Variants in PLCB1 observed in about 807,000 individuals in gnomAD.
PLCB1 encodes the protein phospholipase C beta 1.
Under a neutral mutation model 161.8 loss-of-function variants are expected in PLCB1, and 46 were observed. The ratio of observed to expected loss-of-function variants is 0.28; its 90% CI spans 0.22 to 0.36. PLCB1 has a LOEUF of 0.36. Ranked by LOEUF, PLCB1 falls within the 10% of genes least tolerant of loss-of-function variation. The pLI is 1.00. For synonymous variants in PLCB1, 517 were observed against 503.7 expected (o/e 1.03, Z -0.35); for missense variants, 1,016 against 1,472.5 (o/e 0.69, Z 5.07).
intron 3 of PLCB1, among the ~76,000 whole-genome samples, chr20:8,602,354 T>A (rs775698458): frequency 6.6e-6 from 1 of 152,170 alleles, no homozygotes; most frequent in Non-Finnish European, 1.5e-5. Flanking sequence ...AGATATTAAT[T>A]AAAATAGGCT....
chr20:8,378,382 T>G (rs2122375051), intron 3 of PLCB1, among the ~76,000 whole-genome samples: 1 of 152,358 alleles, frequency 6.6e-6, no homozygotes, highest in South Asian at 2.1e-4. Context: ...ATACACATTT[T>G]TTGGTTTCCC....
At chr20:8,234,877 A>G (rs1336204600) in intron 2 of PLCB1, among the ~76,000 whole-genome samples, 1 of 152,130 alleles carries the variant, frequency 6.6e-6, no homozygotes, top group Non-Finnish European at 1.5e-5. Flanking sequence ...CCGGAATATA[A>G]TGCTTACTGG....
intron 2 of PLCB1, among the ~76,000 whole-genome samples, chr20:8,236,822 A>G (rs1980352618): frequency 6.6e-6 from 1 of 152,070 alleles, no homozygotes; most frequent in African/African-American, 2.4e-5. Flanking sequence ...TATGAATGGG[A>G]AAGTAAAGTC....
rs150442900 is a variant in PLCB1 at position 8,388,754 on chromosome 20, T to C, written c.246+17304T>C. Among the ~76,000 whole-genome samples, 1,226 of 152,308 alleles carry C rather than the reference T, an allele frequency of 8.0e-3. 11 individuals are homozygous for C. Among genetic ancestry groups the C allele is most frequent in the African/African-American group, 0.027 (1,135 of 41,560 alleles). ...GGCTAACAACTTATTGAATGATCTG[T>C]GTGTGTGCGTGCATGTGTGTGTGTG... On this transcript the variant is annotated intron_variant, in intron 3 of 31. Coordinates refer to ENST00000338037, the MANE Select transcript of PLCB1 (RefSeq NM_015192.4).
At chr20:8,410,414 C>T (rs550759726) in intron 3 of PLCB1, among the ~76,000 whole-genome samples, 5 of 152,102 alleles carry the variant, frequency 3.3e-5, no homozygotes, top group Admixed American at 6.5e-5. Context: ...CACATCCTCA[C>T]CAAAAGTTGA....
At chr20:8,708,226 A>C (rs1021631663) in intron 11 of PLCB1, among the ~76,000 whole-genome samples, 4 of 152,220 alleles carry the variant, frequency 2.6e-5, no homozygotes, top group African/African-American at 9.6e-5. Context: ...ATACAAGTTG[A>C]GTATATACTG....
At chr20:8,194,052 T>C (rs917803654) in intron 2 of PLCB1, among the ~76,000 whole-genome samples, 1 of 152,010 alleles carries the variant, frequency 6.6e-6, no homozygotes, top group African/African-American at 2.4e-5. Flanking sequence ...GGTGATACTA[T>C]GGTGCCAACA....
Position 8,780,002 on chromosome 20 carries a change from A to G in PLCB1, c.3111+5283A>G, listed in dbSNP as rs1483799018. ...CATTCACGTGCTTGTGCTCCATGAT[A>G]TCTCTCAATGAACAGCTTGGGGGTC... is the stretch of plus-strand genomic sequence containing the variant. On this transcript the variant is annotated intron_variant, in intron 27 of 31. Transcript: ENST00000338037. Among the ~76,000 whole-genome samples, 3 of 152,278 alleles carry G rather than the reference A, an allele frequency of 2.0e-5. No homozygotes were observed. In the East Asian group the frequency reaches 5.8e-4, roughly 29 times the overall value.
chr20:8,608,295 C>G (rs537121412), intron 3 of PLCB1, among the ~76,000 whole-genome samples: 7 of 152,266 alleles, frequency 4.6e-5, no homozygotes, highest in African/African-American at 1.7e-4. Context: ...CCTAATATCA[C>G]AGGCAAATTT....
intron 9 of PLCB1, among the ~76,000 whole-genome samples, chr20:8,677,560 C>T (rs996255454): frequency 6.6e-6 from 1 of 151,902 alleles, no homozygotes; most frequent in African/African-American, 2.4e-5. Context: ...AAACCTATGC[C>T]AAAGCACATC....
chr20:8,766,585 C>G (rs949633396), intron 26 of PLCB1, among the ~76,000 whole-genome samples: 1 of 152,192 alleles, frequency 6.6e-6, no homozygotes, highest in Non-Finnish European at 1.5e-5. Flanking sequence ...CTGCTAGGTT[C>G]TTTAGAGCTA....
intron 31 of PLCB1, among the ~76,000 whole-genome samples, chr20:8,830,883 G>A (rs73895339): frequency 0.041 from 6,219 of 152,104 alleles, 203 homozygotes; most frequent in African/African-American, 0.086. Flanking sequence ...CTTCACAGGT[G>A]GAGGCCTCCA....
intron 3 of PLCB1, among the ~76,000 whole-genome samples, chr20:8,433,168 G>A (rs1197378831): frequency 6.6e-6 from 1 of 152,218 alleles, no homozygotes; most frequent in African/African-American, 2.4e-5. Flanking sequence ...TCTTAGCCAT[G>A]TTAGTTGATT....
At chr20:8,572,095 CA>C in intron 3 of PLCB1, among the ~76,000 whole-genome samples, 1 of 152,092 alleles carries the variant, frequency 6.6e-6, no homozygotes, top group Admixed American at 6.5e-5. Flanking sequence ...ATGCTATTTT[CA>C]GCAAATAAAA....
chr20:8,667,374 C>G (rs184802676), intron 9 of PLCB1, among the ~76,000 whole-genome samples: 84 of 152,298 alleles, frequency 5.5e-4, no homozygotes, highest in Non-Finnish European at 7.8e-4. Flanking sequence ...TGTTCATAGA[C>G]TTCTCTGAAA....
chr20:8,360,730 A>G lies in PLCB1; in HGVS notation c.178-10652A>G, dbSNP rs114133443. On this transcript the variant is annotated intron_variant, in intron 2 of 31. Coordinates refer to ENST00000338037, the MANE Select transcript of PLCB1 (RefSeq NM_015192.4). Reference sequence around the variant, plus strand: ...CTGTCTTGCCAGAAAGCCAAAAGCAATGTTAAGAAGCAAATCTTCTTTGAA... The same window carrying G: ...CTGTCTTGCCAGAAAGCCAAAAGCAGTGTTAAGAAGCAAATCTTCTTTGAA... Among the ~76,000 whole-genome samples, 447 of 152,322 alleles carry G rather than the reference A, an allele frequency of 2.9e-3. 3 individuals carry two copies. Among genetic ancestry groups the G allele is most frequent in the African/African-American group, 0.01 (433 of 41,582 alleles).
chr20:8,196,274 G>A (rs554268557), intron 2 of PLCB1, among the ~76,000 whole-genome samples: 1 of 152,182 alleles, frequency 6.6e-6, no homozygotes, highest in South Asian at 2.1e-4. Flanking sequence ...GACAGAAAAT[G>A]ATATTTTGAA....
intron 3 of PLCB1, among the ~76,000 whole-genome samples, chr20:8,376,527 C>T (rs6118183): frequency 0.027 from 4,123 of 152,220 alleles, 197 homozygotes; most frequent in African/African-American, 0.093. Flanking sequence ...GGTACTGTTA[C>T]AGGTGCTGGA....
At chr20:8,580,676 T>C (rs1986807392) in intron 3 of PLCB1, among the ~76,000 whole-genome samples, 1 of 152,248 alleles carries the variant, frequency 6.6e-6, no homozygotes, top group African/African-American at 2.4e-5. Context: ...TGATAGGTGC[T>C]GGGGGATTTC....
Sources: gnomAD v4.1 joint callset for allele counts (sites outside exome capture counted in the v4.1 genomes callset) on GRCh38, gnomAD v4.1.1 for gene constraint, MANE v1.5 for transcripts, NCBI Gene and HGNC (gene_info 2026-07-23, HGNC 2026-07-21) for gene names.